NOX5: variants seen among roughly 807,000 people sequenced by gnomAD.
NOX5 encodes NADPH oxidase 5.
NOX5 carries 76 observed loss-of-function variants against 85.7 expected under a neutral mutation model. That is an observed-to-expected ratio of 0.89 (90% CI 0.74 to 1.07). The LOEUF (loss-of-function observed/expected upper bound fraction) is 1.07. Ranked by LOEUF, NOX5 falls within the 50% of genes least tolerant of loss-of-function variation. The probability of loss-of-function intolerance (pLI) is 0.00; values close to 1 mark genes in which losing one functional copy is unlikely to be tolerated. For missense variants in NOX5, 973 were observed against 999.5 expected (o/e 0.97, Z 0.36); for synonymous variants, 405 against 401.4 (o/e 1.01, Z -0.11).
intron 1 of NOX5, among the ~76,000 whole-genome samples, chr15:69,017,073 G>A (rs1435730830): frequency 1.3e-5 from 2 of 152,068 alleles, no homozygotes; most frequent in African/African-American, 4.8e-5. Context: ...GCTACCTGGA[G>A]GCTTTACCTG....
chr15:69,039,216 A>G (rs1365565163), intron 9 of NOX5, among the ~76,000 whole-genome samples: 1 of 152,184 alleles, frequency 6.6e-6, no homozygotes, highest in Non-Finnish European at 1.5e-5. Context: ...CTTGGTGGAG[A>G]GAAGCCTTTG....
At position 69,020,684 on chromosome 15, in the gene NOX5, C is replaced by A. The variant is rs190140667; in HGVS notation, c.51-5844C>A. Among the ~76,000 whole-genome samples the A allele has an allele frequency of 4.2e-4, 64 of 151,644 alleles. 1 individual carries two copies. In the East Asian group the frequency reaches 0.012, roughly 27 times the overall value. On this transcript the variant is annotated intron_variant, in intron 1 of 15. Transcript: ENST00000388866. ...CATATAAATATAGATAGATATAGAT[C>A]ATTGATTTTGGTCTGTTTCCCTTGA...
chr15:69,049,750 C>A (rs1209155314), intron 14 of NOX5, among the ~76,000 whole-genome samples: 1 of 152,196 alleles, frequency 6.6e-6, no homozygotes, highest in Non-Finnish European at 1.5e-5. Context: ...CTCTGAGAGT[C>A]AGGCTCAGGG....
intron 1 of NOX5, chr15:69,023,463 A>G (rs1372761325): frequency 6.9e-6 from 3 of 432,156 alleles, no homozygotes; most frequent in East Asian, 6.9e-5. Flanking sequence ...GGGCTAAAAA[A>G]TGATTCTACT....
rs1001650203 is a variant in NOX5, at chr15:69,058,706, A to G, written c.*2010A>G. The G allele has an allele frequency of 2.0e-5, 3 of 151,950 alleles. No individual in the cohort carries two copies. The highest frequency in any genetic ancestry group is 7.3e-5 in the African/African-American group (3 of 41,354). The allele number at this position is 151,950 out of a possible 1,614,324, so 9.4% of individuals were successfully genotyped here. A position where few individuals can be genotyped will look rare whatever the true frequency, so the allele number is the denominator to read the frequency against. On this transcript the variant is annotated 3_prime_UTR_variant, in exon 16 of 16. Transcript: ENST00000388866. ...TCCAGCAAGCCTGGGGAGGCACACA[A>G]CTCACCAGGGAAACTCACACCTGGA...
chr15:69,033,798 G>T (rs576524912), intron 5 of NOX5, among the ~76,000 whole-genome samples: 2 of 149,384 alleles, frequency 1.3e-5, no homozygotes, highest in East Asian at 4.0e-4. Context: ...GGGTTCAAGC[G>T]ATCCTCCTGC....
intron 3 of NOX5, 129 bp from the exon 4 acceptor site, chr15:69,031,389 G>A: frequency 9.3e-7 from 1 of 1,072,946 alleles, no homozygotes; most frequent in Non-Finnish European, 1.3e-6. Context: ...TAGGCAGTCG[G>A]GAACATGGAA....
At chr15:69,025,589 A>G (rs114861642) in intron 1 of NOX5, among the ~76,000 whole-genome samples, 1,594 of 152,302 alleles carry the variant, frequency 0.01, 31 homozygotes, top group African/African-American at 0.037. Context: ...GGGGTTACAC[A>G]TCAATTTTAG....
chr15:69,046,005 GTCC>G, intron 10 of NOX5: 1 of 152,398 alleles, frequency 6.6e-6, no homozygotes, highest in South Asian at 2.1e-4. Context: ...ATGTGGGCAC[GTCC>G]TTCCCATGCT....
In NOX5 at chr15:69,062,684, AT is replaced by A. The variant is rs1166224007; in HGVS notation, c.*5989del. 6.6e-6 allele frequency: 1 copy of A among 152,322 alleles called. No homozygotes were observed. Among genetic ancestry groups the A allele is most frequent in the Admixed American group, 6.5e-5 (1 of 15,286 alleles). 9.4% of individuals were successfully genotyped at this position (152,322 alleles called of 1,614,324 possible). A position where few individuals can be genotyped will look rare whatever the true frequency, so the allele number is the denominator to read the frequency against. On this transcript the variant is annotated 3_prime_UTR_variant, in exon 16 of 16. Transcript: ENST00000388866. The stretch of plus-strand genomic sequence containing the variant: ...GATTGAGACTTCGGAACACTTTATC[AT>A]CAGCCTATCTGTAAAGACTTCCTTG...
intron 10 of NOX5, among the ~76,000 whole-genome samples, chr15:69,045,244 T>C (rs8033472): frequency 1.9e-3 from 296 of 152,382 alleles, no homozygotes; most frequent in Non-Finnish European, 3.1e-3. Flanking sequence ...GCCCCAGTAA[T>C]ACTTTCTACT....
chr15:69,047,369 G>A (rs772908165), intron 11 of NOX5, 44 bp from the exon 12 acceptor site: 4 of 1,509,098 alleles, frequency 2.7e-6, no homozygotes, highest in Middle Eastern at 1.8e-4. Flanking sequence ...GGGGAGACCA[G>A]CGTCACCCCC....
intron 10 of NOX5, among the ~76,000 whole-genome samples, chr15:69,043,905 G>A (rs1400753918): frequency 5.3e-5 from 8 of 152,182 alleles, no homozygotes; most frequent in African/African-American, 1.9e-4. Flanking sequence ...CTAATTGGGG[G>A]CCGGGCACGG....
At chr15:69,052,597 G>A (rs1243649307) in intron 14 of NOX5, among the ~76,000 whole-genome samples, 1 of 152,204 alleles carries the variant, frequency 6.6e-6, no homozygotes, top group African/African-American at 2.4e-5. Flanking sequence ...GTTGTCATGA[G>A]TGAATTCAAA....
At chr15:69,044,182 TAAA>T (rs538980190) in intron 10 of NOX5, among the ~76,000 whole-genome samples, 1 of 134,332 alleles carries the variant, frequency 7.4e-6, no homozygotes, top group Non-Finnish European at 1.6e-5. Context: ...AGGCTCCAAC[TAAA>T]AAAAAAAAAA....
intron 9 of NOX5, 30 bp downstream of exon 9, chr15:69,039,019 A>T: frequency 6.2e-7 from 1 of 1,612,492 alleles, no homozygotes; most frequent in Non-Finnish European, 8.5e-7. Context: ...GTCACTCTGC[A>T]CATATTCACT....
chr15:69,058,704 C>G lies in NOX5; in HGVS notation c.*2008C>G, dbSNP rs1200027754. 6.6e-6 allele frequency: 1 copy of G among 152,178 alleles called. No homozygotes were observed. Among genetic ancestry groups the G allele is most frequent in the African/African-American group, 2.4e-5 (1 of 41,428 alleles). The allele number at this position is 152,178 out of a possible 1,614,324, so 9.4% of individuals were successfully genotyped here. A position where few individuals can be genotyped will look rare whatever the true frequency, so the allele number is the denominator to read the frequency against. On this transcript the variant is annotated 3_prime_UTR_variant, in exon 16 of 16. Coordinates refer to ENST00000388866, the MANE Select transcript of NOX5 (RefSeq NM_024505.4). Reference sequence around the variant, plus strand: ...TTTCCAGCAAGCCTGGGGAGGCACACAACTCACCAGGGAAACTCACACCTG... The same window carrying G: ...TTTCCAGCAAGCCTGGGGAGGCACAGAACTCACCAGGGAAACTCACACCTG...
intron 12 of NOX5, 43 bp downstream of exon 12, chr15:69,047,580 C>A (rs201100885): frequency 1.3e-6 from 2 of 1,589,312 alleles, no homozygotes; most frequent in African/African-American, 2.7e-5. Flanking sequence ...GGGTCAGAGC[C>A]CCAAGGCGCC....
Position 69,046,696 on chromosome 15 carries a change from G to T in NOX5, c.1648-126G>T, listed in dbSNP as rs140975808. On this transcript the variant is annotated intron_variant, in intron 10 of 15. Transcript: ENST00000388866. ...CAAAAGAGCTTCGTGTTCCCTGAAT[G>T]GTTTGGGCAGAAAAAGCAATTCCCT... 8.8e-3 allele frequency: 7,164 copies of T among 810,048 alleles called. 85 individuals carry two copies. Among genetic ancestry groups the T allele is most frequent in the South Asian group, 0.037 (1,837 of 50,158 alleles). 50.2% of individuals were successfully genotyped at this position (810,048 alleles called of 1,614,324 possible).
Sources: gnomAD v4.1 joint callset for allele counts (sites outside exome capture counted in the v4.1 genomes callset) on GRCh38, gnomAD v4.1.1 for gene constraint, MANE v1.5 for transcripts, NCBI Gene and HGNC (gene_info 2026-07-23, HGNC 2026-07-21) for gene names.